CACNA1B: variants seen among roughly 807,000 people sequenced by gnomAD.
CACNA1B encodes calcium voltage-gated channel subunit alpha1 B.
A neutral mutation model predicts 247.2 loss-of-function variants in CACNA1B; 70 were observed. The ratio of observed to expected loss-of-function variants is 0.28; its 90% CI spans 0.23 to 0.35. CACNA1B has a LOEUF of 0.35. Ranked by LOEUF, CACNA1B falls within the 10% of genes least tolerant of loss-of-function variation. CACNA1B has a pLI of 1.00. For synonymous variants in CACNA1B, 1,231 were observed against 1,294.4 expected (o/e 0.95, Z 1.05); for missense variants, 2,367 against 3,197.4 (o/e 0.74, Z 6.26).
chr9:137,984,460 G>A (rs535215158), intron 13 of CACNA1B, among the ~76,000 whole-genome samples: 2 of 152,348 alleles, frequency 1.3e-5, no homozygotes, highest in East Asian at 1.9e-4. Flanking sequence ...CCGTGCTGCC[G>A]GCACACCCTT....
chr9:138,024,898 C>T, intron 19 of CACNA1B, 57 bp from the exon 20 acceptor site: 1 of 1,262,232 alleles, frequency 7.9e-7, no homozygotes, highest in Non-Finnish European at 1.1e-6. Context: ...CCTCCCGGTG[C>T]CGGGATCACA....
chr9:138,090,811 A>C (rs1960854381), intron 36 of CACNA1B, among the ~76,000 whole-genome samples: 1 of 151,820 alleles, frequency 6.6e-6, no homozygotes, highest in South Asian at 2.1e-4. Flanking sequence ...CTGGTATAAG[A>C]AAAAGTGCTC....
Position 138,089,238 on chromosome 9 carries a change from C to T in CACNA1B, c.5095-7246C>T, listed in dbSNP as rs116991071. Among the ~76,000 whole-genome samples, 72 of 152,088 alleles carry T rather than the reference C, an allele frequency of 4.7e-4. No individual in the cohort carries two copies. In the East Asian group the frequency reaches 5.6e-3, roughly 12 times the overall value. ...ACTATAGGCCAATATTTCTGATGAT[C>T]GTAGATGGAAAAATTCTCAAGAAAA... On this transcript the variant is annotated intron_variant, in intron 36 of 46. Transcript: ENST00000371372.
At chr9:138,079,965 G>A (rs914953030) in intron 36 of CACNA1B, among the ~76,000 whole-genome samples, 6 of 152,268 alleles carry the variant, frequency 3.9e-5, no homozygotes, top group African/African-American at 1.4e-4. Flanking sequence ...CAGCGTAGTG[G>A]GAGTGAAGGC....
chr9:138,056,103 A>C (rs1010871949), intron 26 of CACNA1B, among the ~76,000 whole-genome samples: 3 of 152,206 alleles, frequency 2.0e-5, no homozygotes, highest in Admixed American at 6.5e-5. Context: ...TGTTCATAAC[A>C]ATCCACTTAC....
chr9:137,984,655 C>T (rs898804284), intron 13 of CACNA1B, among the ~76,000 whole-genome samples: 26 of 152,208 alleles, frequency 1.7e-4, no homozygotes, highest in Non-Finnish European at 3.4e-4. Flanking sequence ...CAGCTCCACC[C>T]CTGGAGAGCC....
At position 137,880,377 on chromosome 9, in the gene CACNA1B, C is replaced by G. The variant is rs1405098062; in HGVS notation, c.390+1218C>G. 6.6e-6 allele frequency among the ~76,000 whole-genome samples: 1 copy of G among 152,144 alleles called. No individual in the cohort carries two copies. Reference sequence around the variant, plus strand: ...TCCCTGTGGGGGACTTGGGCAGGACCCTGGTGGGGCCCATTGCTTTCTGGA... The same window carrying G: ...TCCCTGTGGGGGACTTGGGCAGGACGCTGGTGGGGCCCATTGCTTTCTGGA... On this transcript the variant is annotated intron_variant, in intron 2 of 46. Transcript: ENST00000371372. This position sits in a 1 kb window ranked among gnomAD's most constrained non-coding sequence, Gnocchi z 4.8.
intron 6 of CACNA1B, among the ~76,000 whole-genome samples, chr9:137,948,345 A>G (rs1957822603): frequency 6.6e-6 from 1 of 152,074 alleles, no homozygotes; most frequent in Non-Finnish European, 1.5e-5. Context: ...GATGACATGA[A>G]TATCAGATCA....
rs1247903629 is a variant in CACNA1B, at chr9:138,118,828, G to A, written c.6030+60G>A. 21 of 761,826 alleles carry A rather than the reference G, an allele frequency of 2.8e-5. No individual in the cohort carries two copies. In the Admixed American group the frequency reaches 4.9e-4, roughly 18 times the overall value. 47.2% of individuals were successfully genotyped at this position (761,826 alleles called of 1,614,324 possible). A position where few individuals can be genotyped will look rare whatever the true frequency, so the allele number is the denominator to read the frequency against. On this transcript the variant is annotated intron_variant, in intron 44 of 46. Coordinates refer to ENST00000371372, the MANE Select transcript of CACNA1B (RefSeq NM_000718.4). ...GGCAAGTGGGGGGTGGGGAAGTGGG[G>A]CTGTGGCTCTGGGCCTCCTGCAGGT...
chr9:138,081,571 A>T (rs1474818317), intron 36 of CACNA1B, among the ~76,000 whole-genome samples: 1 of 145,232 alleles, frequency 6.9e-6, no homozygotes, highest in African/African-American at 2.7e-5. Context: ...GAGGGTGCTG[A>T]TGGAAGAATA....
At chr9:138,091,174 T>G (rs1417388189) in intron 36 of CACNA1B, among the ~76,000 whole-genome samples, 1 of 152,196 alleles carries the variant, frequency 6.6e-6, no homozygotes, top group Non-Finnish European at 1.5e-5. Context: ...TTAAAATATT[T>G]TCCTTATACA....
intron 15 of CACNA1B, among the ~76,000 whole-genome samples, chr9:137,993,004 C>T (rs1414078505): frequency 6.6e-6 from 1 of 152,048 alleles, no homozygotes; most frequent in Non-Finnish European, 1.5e-5. Flanking sequence ...AGTGACACAA[C>T]CTATCAAAAC....
Position 138,057,227 on chromosome 9 carries a change from G to A in CACNA1B, c.3969-505G>A, listed in dbSNP as rs182929832. On this transcript the variant is annotated intron_variant, in intron 26 of 46. Transcript: ENST00000371372. This position sits in a 1 kb window ranked among gnomAD's most constrained non-coding sequence, Gnocchi z 4.0. ...GCTGGGATTACAGGCGTGAGCCACC[G>A]CGCCCGGCCTTTTTTATTTATTAGA... Among the ~76,000 whole-genome samples, 27 of 152,128 alleles carry A rather than the reference G, an allele frequency of 1.8e-4. No homozygotes were observed. Among genetic ancestry groups the A allele is most frequent in the Admixed American group, 1.6e-3 (25 of 15,274 alleles).
chr9:137,955,873 A>G lies in CACNA1B; in HGVS notation c.1186+60A>G, dbSNP rs986229073. On this transcript the variant is annotated intron_variant, in intron 8 of 46. Transcript: ENST00000371372. This position sits in a 1 kb window ranked among gnomAD's most constrained non-coding sequence, Gnocchi z 6.9. Reference sequence around the variant, plus strand: ...GGCCACTGTTAGTTCTCTGTCCCCAATTCTGCTCTGCTGCCAGCTGGGGTG... The same window carrying G: ...GGCCACTGTTAGTTCTCTGTCCCCAGTTCTGCTCTGCTGCCAGCTGGGGTG... The G allele has an allele frequency of 5.8e-5, 66 of 1,145,864 alleles. No individual in the cohort carries two copies. The highest frequency in any genetic ancestry group is 1.2e-4 in the African/African-American group (8 of 65,322). 71.0% of individuals were successfully genotyped at this position (1,145,864 alleles called of 1,614,324 possible). A position where few individuals can be genotyped will look rare whatever the true frequency, so the allele number is the denominator to read the frequency against.
chr9:138,025,050 C>G lies in CACNA1B; in HGVS notation c.3164C>G (p.Pro1055Arg), dbSNP rs896501973. ...STCLQKVEEQPEDADNQRNVT... is the reference protein window; with the variant it reads ...STCLQKVEEQREDADNQRNVT... ...TGTCTCCAGAAGGTGGAGGAACAGCCAGAGGATGCAGACAATCAGCGGAAC... is the reference window on the plus strand; with the variant it reads ...TGTCTCCAGAAGGTGGAGGAACAGCGAGAGGATGCAGACAATCAGCGGAAC... Residue 1055 changes from proline to arginine, a missense_variant, in exon 20 of 47, where the codon CCA becomes CGA. Transcript: ENST00000371372. 5.0e-6 allele frequency: 8 copies of G among 1,610,970 alleles called. No individual in the cohort carries two copies. Among genetic ancestry groups the G allele is most frequent in the Middle Eastern group, 1.6e-4 (1 of 6,078 alleles).
chr9:137,998,577 G>A (rs749600458), intron 15 of CACNA1B, among the ~76,000 whole-genome samples: 52 of 152,106 alleles, frequency 3.4e-4, no homozygotes, highest in Admixed American at 3.2e-3. Flanking sequence ...GCGAGACTCC[G>A]TCTCAAAAAA....
chr9:137,964,888 G>A lies in CACNA1B; in HGVS notation c.1334-6495G>A, dbSNP rs74823568. ...CCTTTGGATGGGGTTTTTGTGTTTT[G>A]TTGTTGTTGTTGTTTTCTGTTTGTT... is the stretch of plus-strand genomic sequence containing the variant. On this transcript the variant is annotated intron_variant, in intron 10 of 46. Coordinates refer to ENST00000371372, the MANE Select transcript of CACNA1B (RefSeq NM_000718.4). 6.2e-3 allele frequency among the ~76,000 whole-genome samples: 945 copies of A among 152,262 alleles called. 13 individuals carry two copies. The highest frequency in any genetic ancestry group is 0.021 in the African/African-American group (870 of 41,540).
intron 6 of CACNA1B, among the ~76,000 whole-genome samples, chr9:137,925,799 G>C (rs1353428266): frequency 6.6e-6 from 1 of 150,898 alleles, no homozygotes; most frequent in African/African-American, 2.4e-5. Flanking sequence ...CTGGAGTGCA[G>C]TGGTGCAATC....
intron 3 of CACNA1B, among the ~76,000 whole-genome samples, chr9:137,903,383 T>G (rs1188983912): frequency 6.6e-6 from 1 of 152,136 alleles, no homozygotes; most frequent in Non-Finnish European, 1.5e-5. Flanking sequence ...AGACTCCATC[T>G]CAAACAAACA....
Sources: gnomAD v4.1 joint callset for allele counts (sites outside exome capture counted in the v4.1 genomes callset) on GRCh38, gnomAD v4.1.1 for gene constraint, Gnocchi (gnomAD v3.1) non-coding constraint, MANE v1.5 for transcripts, NCBI Gene and HGNC (gene_info 2026-07-23, HGNC 2026-07-21) for gene names.